The following SNX18 variants were observed in gnomAD, a reference collection of about 807,000 sequenced individuals.
SNX18 encodes the protein sorting nexin-18.
SNX18 carries 35 observed loss-of-function variants against 48.7 expected under a neutral mutation model. That is an observed-to-expected ratio of 0.72 (90% CI 0.55 to 0.95). SNX18 has a LOEUF of 0.95. Ranked by LOEUF, SNX18 falls within the 40% of genes least tolerant of loss-of-function variation. The probability of loss-of-function intolerance (pLI) is 0.00; values close to 1 mark genes in which losing one functional copy is unlikely to be tolerated. For missense variants in SNX18, 824 were observed against 871.0 expected, an observed-to-expected ratio of 0.95 and a Z score of 0.68; for synonymous variants, 492 against 384.7, an observed-to-expected ratio of 1.28 and a Z score of -3.26.
chr5:54,543,192 A>G lies in SNX18; in HGVS notation c.1635A>G (p.Lys545=). ...TTTTAACTACAGGAGCTCTTACCAA[A>G]GTCAAGGAGAGTAGGCGACACGTGG... ...IIHVQKGALT[K]VKESRRHVEE... The change falls in exon 2 of 2, where the codon AAA becomes AAG. Residue 545 remains lysine (K), a synonymous_variant. Transcript: ENST00000381410. The G allele has an allele frequency of 6.2e-7, 1 of 1,613,292 alleles. No individual in the cohort carries two copies. Among genetic ancestry groups the G allele is most frequent in the Non-Finnish European group, 8.5e-7 (1 of 1,179,682 alleles).
chr5:54,530,660 A>C (rs1253448723), intron 1 of SNX18, among the ~76,000 whole-genome samples: 1 of 151,094 alleles, frequency 6.6e-6, no homozygotes, highest in Non-Finnish European at 1.5e-5. Context: ...GCTTCAGAGG[A>C]GCTTAAAAAA....
At chr5:54,570,362 T>C in the SNX18 span, among the ~76,000 whole-genome samples, 1 of 152,222 alleles carries the variant, frequency 6.6e-6, no homozygotes, top group Admixed American at 6.5e-5. Flanking sequence ...TAACAGTATG[T>C]ATATCTGTTG....
intron 1 of SNX18, among the ~76,000 whole-genome samples, chr5:54,527,260 G>A (rs1182233032): frequency 6.6e-6 from 1 of 152,080 alleles, no homozygotes; most frequent in Non-Finnish European, 1.5e-5. Flanking sequence ...AAAGGTGGAT[G>A]GAAGCAGGGA....
chr5:54,530,281 A>C, intron 1 of SNX18, among the ~76,000 whole-genome samples: 1 of 152,240 alleles, frequency 6.6e-6, no homozygotes, highest in South Asian at 2.1e-4. Context: ...CAAAGGTTCC[A>C]TGTAGATTTT....
chr5:54,644,609 A>G, the SNX18 span: 1 of 100,256 alleles, frequency 1.0e-5, no homozygotes, highest in Non-Finnish European at 2.1e-5. Context: ...TTGGCCAGTG[A>G]GATAGGAGTG....
At chr5:54,584,677 A>G in the SNX18 span, among the ~76,000 whole-genome samples, 1 of 152,188 alleles carries the variant, frequency 6.6e-6, no homozygotes, top group Non-Finnish European at 1.5e-5. Flanking sequence ...CAGGTAGGGG[A>G]ATAATTATAG....
the SNX18 span, among the ~76,000 whole-genome samples, chr5:54,578,689 C>T: frequency 6.6e-6 from 1 of 152,190 alleles, no homozygotes; most frequent in Non-Finnish European, 1.5e-5. Flanking sequence ...GAGCTGGTTT[C>T]ACATGCTTTC....
chr5:54,588,772 C>T, the SNX18 span, among the ~76,000 whole-genome samples: 1 of 152,106 alleles, frequency 6.6e-6, no homozygotes, highest in African/African-American at 2.4e-5. Flanking sequence ...CCACTGAAAA[C>T]CCAGCTTTGC....
At chr5:54,597,707 C>T in the SNX18 span, among the ~76,000 whole-genome samples, 11 of 152,132 alleles carry the variant, frequency 7.2e-5, no homozygotes, top group African/African-American at 1.7e-4. Flanking sequence ...ACAAAGAAAA[C>T]GTACCAGAAT....
chr5:54,573,746 T>G, the SNX18 span, among the ~76,000 whole-genome samples: 123,777 of 152,154 alleles, frequency 0.81, 50,515 homozygotes, highest in Middle Eastern at 0.84. Context: ...AGGAAGAGTA[T>G]TGTGGCAGTA....
chr5:54,522,243 C>T (rs1762045907), intron 1 of SNX18, among the ~76,000 whole-genome samples: 1 of 152,144 alleles, frequency 6.6e-6, no homozygotes, highest in Admixed American at 6.5e-5. Flanking sequence ...AGGATAAAAG[C>T]TTTCTGAGCG....
At chr5:54,571,245 T>G in the SNX18 span, among the ~76,000 whole-genome samples, 2 of 152,000 alleles carry the variant, frequency 1.3e-5, no homozygotes, top group African/African-American at 4.8e-5. Flanking sequence ...CCCCTCCCAG[T>G]CTCTCGGGAG....
chr5:54,608,853 C>T, the SNX18 span, among the ~76,000 whole-genome samples: 1 of 152,328 alleles, frequency 6.6e-6, no homozygotes, highest in Admixed American at 6.5e-5. Flanking sequence ...TCCCTGCCCT[C>T]CAAAGTGTGT....
the SNX18 span, among the ~76,000 whole-genome samples, chr5:54,636,368 CT>C: frequency 0.32 from 47,699 of 150,566 alleles, 7,684 homozygotes; most frequent in African/African-American, 0.39. Flanking sequence ...CCTGGTGCAA[CT>C]TTTTTTTTTA....
At chr5:54,550,907 G>C (rs1762646403), downstream of SNX18, among the ~76,000 whole-genome samples, 2 of 149,466 alleles carry the variant, frequency 1.3e-5, no homozygotes, top group African/African-American at 4.9e-5. Flanking sequence ...ATTTATGAAA[G>C]TAAATGCAGC....
the SNX18 span, among the ~76,000 whole-genome samples, chr5:54,605,894 G>T: frequency 6.6e-6 from 1 of 152,044 alleles, no homozygotes; most frequent in Non-Finnish European, 1.5e-5. Context: ...GAACTTCTGG[G>T]CTCCAGCAAT....
the SNX18 span, among the ~76,000 whole-genome samples, chr5:54,636,443 T>A: frequency 6.6e-6 from 1 of 151,812 alleles, no homozygotes; most frequent in African/African-American, 2.4e-5. Flanking sequence ...AAAAAAAAAA[T>A]TGAGTTGTAT....
At chr5:54,529,920 A>C (rs1033207617) in intron 1 of SNX18, among the ~76,000 whole-genome samples, 1 of 152,228 alleles carries the variant, frequency 6.6e-6, no homozygotes, top group Non-Finnish European at 1.5e-5. Context: ...AAATTCCTAC[A>C]AACTGGGTGA....
At chr5:54,573,984 A>G in the SNX18 span, among the ~76,000 whole-genome samples, 1 of 152,244 alleles carries the variant, frequency 6.6e-6, no homozygotes, top group African/African-American at 2.4e-5. Context: ...GCTACACAGC[A>G]GACCACCCAC....
Sources: allele counts gnomAD v4.1 joint callset (sites outside exome capture counted in the v4.1 genomes callset), GRCh38; gene constraint gnomAD v4.1.1; transcripts MANE v1.5; gene names NCBI Gene and HGNC (gene_info 2026-07-23, HGNC 2026-07-21).